LEPROTL1: variants seen among roughly 807,000 people sequenced by gnomAD.
LEPROTL1 encodes the protein leptin receptor overlapping transcript-like 1.
Under a neutral mutation model 15.4 loss-of-function variants are expected in LEPROTL1, and 6 were observed. The ratio of observed to expected loss-of-function variants is 0.39; its 90% CI spans 0.21 to 0.77. The LOEUF (loss-of-function observed/expected upper bound fraction) is 0.77. LEPROTL1 is among the 30% of genes least tolerant of loss of function. The pLI is 0.41. For missense variants in LEPROTL1, 128 were observed against 158.1 expected (o/e 0.81, Z 1.02); for synonymous variants, 56 against 52.6 (o/e 1.06, Z -0.28).
At position 30,137,164 on chromosome 8, in the gene LEPROTL1, A is replaced by G. The variant is rs543661356; in HGVS notation, c.395-108A>G. 100 of 855,496 alleles carry G rather than the reference A, an allele frequency of 1.2e-4. No homozygotes were observed. The African/African-American group carries it at 1.2e-3, about 10-fold the overall frequency. The allele number at this position is 855,496 out of a possible 1,614,324, so 53.0% of individuals were successfully genotyped here. A position where few individuals can be genotyped will look rare whatever the true frequency, so the allele number is the denominator to read the frequency against. Reference sequence around the variant, plus strand: ...GTGATCACCAGAGAGAGCCAGGAACATGAGATCTCCAGATCACAAAGCAAT... The same window carrying G: ...GTGATCACCAGAGAGAGCCAGGAACGTGAGATCTCCAGATCACAAAGCAAT... On this transcript the variant is annotated intron_variant, in intron 4 of 4. Coordinates refer to the LEPROTL1 transcript ENST00000442880.
At chr8:30,133,711 C>T (rs749464596) in intron 4 of LEPROTL1, among the ~76,000 whole-genome samples, 33 of 151,418 alleles carry the variant, frequency 2.2e-4, no homozygotes, top group South Asian at 1.9e-3. Context: ...AACCCTTGAG[C>T]CCAGGAGTTC....
intron 1 of LEPROTL1, chr8:30,096,480 GAGTTTTTTT>G: frequency 1.3e-6 from 1 of 755,558 alleles, no homozygotes. Flanking sequence ...AAACTTAATC[GAGTTTTTTT>G]TCAGGGTCAC....
rs137957841 is a variant in LEPROTL1 at position 30,132,214 on chromosome 8, A to G, written c.280-161A>G. 1.5e-5 allele frequency: 23 copies of G among 1,551,754 alleles called. No homozygotes were observed. Among genetic ancestry groups the G allele is most frequent in the Non-Finnish European group, 1.9e-5 (22 of 1,147,040 alleles). On this transcript the variant is annotated intron_variant, in intron 3 of 4. Transcript: ENST00000442880. ...CATCACGGCCCAGCAAACGAAACCA[A>G]ACACCTGTCCTGGATGGAGTCCATG...
At chr8:30,117,138 A>G (rs1802754247) in intron 3 of LEPROTL1, among the ~76,000 whole-genome samples, 1 of 152,108 alleles carries the variant, frequency 6.6e-6, no homozygotes, top group Non-Finnish European at 1.5e-5. Flanking sequence ...ATCCTAGGGA[A>G]TTAGTCAGAG....
intron 3 of LEPROTL1, chr8:30,117,321 CT>C (rs35882810): frequency 0.062 from 41,945 of 680,638 alleles, 289 homozygotes; most frequent in Admixed American, 0.091. Flanking sequence ...GACCCTGTTT[CT>C]TTTTTTTTTT....
In LEPROTL1 at chr8:30,107,936, T is replaced by G; in HGVS notation, c.*2074T>G. The G allele has an allele frequency of 2.0e-6, 2 of 985,252 alleles. No homozygotes were observed. Among genetic ancestry groups the G allele is most frequent in the Non-Finnish European group, 2.4e-6 (2 of 829,744 alleles). 61.0% of individuals were successfully genotyped at this position (985,252 alleles called of 1,614,324 possible). A position where few individuals can be genotyped will look rare whatever the true frequency, so the allele number is the denominator to read the frequency against. Reference sequence around the variant, plus strand: ...GACCTTGTATACTAGCTTGACATAGTGCTGTCTCTGATTTCTAGGCTAGTT... The same window carrying G: ...GACCTTGTATACTAGCTTGACATAGGGCTGTCTCTGATTTCTAGGCTAGTT... On this transcript the variant is annotated 3_prime_UTR_variant, in exon 4 of 4. Transcript: ENST00000321250.
intron 3 of LEPROTL1, among the ~76,000 whole-genome samples, chr8:30,116,221 CAG>C (rs1802738706): frequency 6.6e-6 from 1 of 152,006 alleles, no homozygotes. Flanking sequence ...GCCTGGGTGA[CAG>C]AGTGAGACCC....
At chr8:30,114,276 T>TTTTGTTTTG (rs1554483845) in intron 3 of LEPROTL1, among the ~76,000 whole-genome samples, 7 of 149,428 alleles carry the variant, frequency 4.7e-5, no homozygotes, top group Admixed American at 1.3e-4. Context: ...ACATGATATT[T>TTTTGTTTTG]TTTTGTTTTG....
At chr8:30,096,804 T>G (rs897317821) in intron 1 of LEPROTL1, among the ~76,000 whole-genome samples, 10 of 152,228 alleles carry the variant, frequency 6.6e-5, no homozygotes, top group Admixed American at 6.5e-4. Context: ...TCAGGTGAAC[T>G]GCACTTTTGA....
At chr8:30,095,649 G>C in intron 1 of LEPROTL1, 121 bp downstream of exon 1, 1 of 858,944 alleles carries the variant, frequency 1.2e-6, no homozygotes, top group Non-Finnish European at 1.6e-6. Flanking sequence ...TCCCTGCGCC[G>C]GGGAAGCGAC....
chr8:30,131,100 A>T (rs1163526323), intron 3 of LEPROTL1, among the ~76,000 whole-genome samples: 1 of 150,420 alleles, frequency 6.6e-6, no homozygotes, highest in Non-Finnish European at 1.5e-5. Context: ...GGCCCAAAAA[A>T]TTTTTTTAGC....
chr8:30,130,855 C>G (rs1802993763), intron 3 of LEPROTL1, among the ~76,000 whole-genome samples: 1 of 146,058 alleles, frequency 6.8e-6, no homozygotes, highest in Non-Finnish European at 1.5e-5. Context: ...TCTCGGCTTA[C>G]TACAACCTCC....
intron 3 of LEPROTL1, among the ~76,000 whole-genome samples, chr8:30,125,434 C>G (rs1802889472): frequency 1.3e-5 from 2 of 152,068 alleles, no homozygotes; most frequent in Non-Finnish European, 2.9e-5. Flanking sequence ...CAATAGAAAA[C>G]AAATGGAAGG....
At chr8:30,100,958 A>C (rs1396780552) in intron 1 of LEPROTL1, among the ~76,000 whole-genome samples, 1 of 152,204 alleles carries the variant, frequency 6.6e-6, no homozygotes, top group Non-Finnish European at 1.5e-5. Context: ...GTGATACCTC[A>C]GAAGGATTAT....
rs1413260900 is a variant in LEPROTL1 at position 30,108,491 on chromosome 8, C to T, written c.*2629C>T. ...ACAAAAAATATTTCTGTTTGGTACA[C>T]TGTGAAGAGAGAAAAGTACTGTTCT... On this transcript the variant is annotated 3_prime_UTR_variant, in exon 4 of 4. Transcript: ENST00000321250. 2.6e-5 allele frequency: 4 copies of T among 152,248 alleles called. No individual in the cohort carries two copies. The highest frequency in any genetic ancestry group is 9.6e-5 in the African/African-American group (4 of 41,534). The allele number at this position is 152,248 out of a possible 1,614,324, so 9.4% of individuals were successfully genotyped here. A position where few individuals can be genotyped will look rare whatever the true frequency, so the allele number is the denominator to read the frequency against.
intron 3 of LEPROTL1, among the ~76,000 whole-genome samples, chr8:30,121,882 T>C (rs148470920): frequency 7.3e-6 from 1 of 136,468 alleles, no homozygotes; most frequent in Non-Finnish European, 1.6e-5. Context: ...TAAAAAAAAA[T>C]TAGGCTGGCA....
At position 30,101,902 on chromosome 8, in the gene LEPROTL1, G is replaced by A; in HGVS notation, c.21G>A (p.Leu7=). 1.9e-6 allele frequency: 3 copies of A among 1,598,612 alleles called. No individual in the cohort carries two copies. The highest frequency in any genetic ancestry group is 2.6e-6 in the Non-Finnish European group (3 of 1,169,190). Residue 7 remains leucine, a synonymous_variant, in exon 2 of 4, where the codon TTG becomes TTA. Transcript: ENST00000321250. MAGIKA[L]ISLSFGGAIG... Reference sequence around the variant, plus strand: ...CACTTTTTATTTGCTTTGCAGCTTTGATTAGTTTGTCCTTTGGAGGAGCAA... The same window carrying A: ...CACTTTTTATTTGCTTTGCAGCTTTAATTAGTTTGTCCTTTGGAGGAGCAA...
chr8:30,112,808 G>A (rs955601599), downstream of LEPROTL1, among the ~76,000 whole-genome samples: 3 of 152,010 alleles, frequency 2.0e-5, no homozygotes, highest in African/African-American at 2.4e-5. Context: ...CATAGATAGT[G>A]AATGTTAGAT....
intron 3 of LEPROTL1, among the ~76,000 whole-genome samples, chr8:30,130,032 G>C (rs1802974208): frequency 6.6e-6 from 1 of 151,960 alleles, no homozygotes; most frequent in Non-Finnish European, 1.5e-5. Flanking sequence ...TGATTTAATC[G>C]CCTCCCACCA....
Sources: gnomAD v4.1 joint callset for allele counts (sites outside exome capture counted in the v4.1 genomes callset) on GRCh38, gnomAD v4.1.1 for gene constraint, MANE v1.5 for transcripts, NCBI Gene and HGNC (gene_info 2026-07-23, HGNC 2026-07-21) for gene names.